The following TEAD1 variants were observed in gnomAD, a reference collection of about 807,000 sequenced individuals.
TEAD1 encodes the protein transcriptional enhancer factor TEF-1.
A neutral mutation model predicts 54.9 loss-of-function variants in TEAD1; 9 were observed. The ratio of observed to expected loss-of-function variants is 0.16; its 90% confidence interval spans 0.10 to 0.29. The LOEUF is 0.29. Among genes scored for constraint, TEAD1 ranks in the 10% least tolerant of loss-of-function variants. TEAD1 has a pLI of 1.00. For synonymous variants in TEAD1, 200 were observed against 187.8 expected, an observed-to-expected ratio of 1.07 and a Z score of -0.53; for missense variants, 387 against 535.9, an observed-to-expected ratio of 0.72 and a Z score of 2.74.
intron 6 of TEAD1, 101 bp from the exon 7 acceptor site, chr11:12,880,904 C>A: frequency 3.0e-6 from 4 of 1,326,968 alleles, no homozygotes; most frequent in East Asian, 4.6e-5. Context: ...GTTGGGTGAT[C>A]GAACCTGCTG....
intron 3 of TEAD1, among the ~76,000 whole-genome samples, chr11:12,810,677 A>T (rs1946281270): frequency 6.6e-6 from 1 of 152,078 alleles, no homozygotes; most frequent in Non-Finnish European, 1.5e-5. Flanking sequence ...CAGCAGTGGG[A>T]TGCTGCCCAG....
At chr11:12,856,988 A>G (rs1341081076) in intron 3 of TEAD1, among the ~76,000 whole-genome samples, 2 of 152,176 alleles carry the variant, frequency 1.3e-5, no homozygotes, top group Non-Finnish European at 2.9e-5. Flanking sequence ...CTGTGCCTCA[A>G]ACATGACCTT....
At chr11:12,833,654 C>T (rs1452979588) in intron 3 of TEAD1, among the ~76,000 whole-genome samples, 2 of 151,726 alleles carry the variant, frequency 1.3e-5, no homozygotes, top group African/African-American at 4.8e-5. Context: ...TCCTTTTTTC[C>T]TACAGGATAA....
rs1312704760 is a variant in TEAD1, at chr11:12,873,661, G to A, written c.331-6047G>A. Among the ~76,000 whole-genome samples the A allele has an allele frequency of 3.9e-5, 6 of 152,222 alleles. No individual in the cohort carries two copies. The South Asian group carries it at 6.2e-4, about 16-fold the overall frequency. On this transcript the variant is annotated intron_variant, in intron 5 of 12. Coordinates refer to ENST00000527636, the MANE Select transcript of TEAD1 (RefSeq NM_021961.6). ...TACCTGACTGAAGTAGTCTCCTTTT[G>A]TATTTACTCCTGCCTTTTCTAATGA...
chr11:12,887,043 A>C (rs1213917497), intron 9 of TEAD1, among the ~76,000 whole-genome samples: 1 of 151,110 alleles, frequency 6.6e-6, no homozygotes, highest in South Asian at 2.1e-4. Flanking sequence ...TTGAACACAA[A>C]TGATTTAATA....
chr11:12,921,574 C>T (rs181690957), intron 10 of TEAD1, among the ~76,000 whole-genome samples: 114 of 150,892 alleles, frequency 7.6e-4, no homozygotes, highest in Admixed American at 1.7e-3. Context: ...CGTTTTGGCA[C>T]AGGCTACATC....
chr11:12,879,551 T>C, intron 5 of TEAD1, 157 bp from the exon 6 acceptor site: 1 of 873,490 alleles, frequency 1.1e-6, no homozygotes, highest in Non-Finnish European at 1.9e-6. Context: ...GAGTGTGGTT[T>C]AGCCTTCTGG....
chr11:12,810,575 G>A (rs949562122), intron 3 of TEAD1, among the ~76,000 whole-genome samples: 4 of 152,118 alleles, frequency 2.6e-5, no homozygotes, highest in East Asian at 1.9e-4. Context: ...CTTCGGAGTC[G>A]TTTTAGACTC....
At chr11:12,916,329 A>G (rs1040324739) in intron 10 of TEAD1, among the ~76,000 whole-genome samples, 1 of 152,132 alleles carries the variant, frequency 6.6e-6, no homozygotes, top group African/African-American at 2.4e-5. Context: ...ACACCCGACA[A>G]ACGTGGGTTG....
chr11:12,905,791 A>C (rs1589977387), intron 10 of TEAD1, among the ~76,000 whole-genome samples: 1 of 76,044 alleles, frequency 1.3e-5, no homozygotes, highest in Admixed American at 1.2e-4. Context: ...TATCAGCCTG[A>C]CTCTTACCTG....
intron 3 of TEAD1, among the ~76,000 whole-genome samples, chr11:12,814,644 A>G (rs1590177347): frequency 6.6e-6 from 1 of 152,112 alleles, no homozygotes. Context: ...GTCTTTGCGC[A>G]TGTCATCTCA....
chr11:12,746,456 G>A (rs1200325879), intron 2 of TEAD1, among the ~76,000 whole-genome samples: 4 of 152,034 alleles, frequency 2.6e-5, no homozygotes, highest in African/African-American at 7.3e-5. Context: ...CTTCATCCCC[G>A]TCTTGTCCTA....
chr11:12,914,132 T>C (rs2134146632), intron 10 of TEAD1, among the ~76,000 whole-genome samples: 1 of 152,322 alleles, frequency 6.6e-6, no homozygotes, highest in Admixed American at 6.5e-5. Flanking sequence ...TAATTGAATT[T>C]TTGAAAAACT....
In TEAD1 at chr11:12,715,548, C is replaced by A. The variant is rs1944040552; in HGVS notation, c.-55+39987C>A. ...GCTTGTTTCTGGAAGCCGCAGCAGGCTGGCTGTCTCTCTGGGGAGCTGCAC... is the reference window on the plus strand; with the variant it reads ...GCTTGTTTCTGGAAGCCGCAGCAGGATGGCTGTCTCTCTGGGGAGCTGCAC... On this transcript the variant is annotated intron_variant, in intron 2 of 12. Transcript: ENST00000527636. Among the ~76,000 whole-genome samples, 3 of 152,096 alleles carry A rather than the reference C, an allele frequency of 2.0e-5. No homozygotes were observed. The South Asian group carries it at 6.2e-4, about 32-fold the overall frequency.
chr11:12,862,608 A>G (rs1470636270), intron 4 of TEAD1, among the ~76,000 whole-genome samples: 1 of 152,214 alleles, frequency 6.6e-6, no homozygotes, highest in Non-Finnish European at 1.5e-5. Context: ...TTCTTTCCCA[A>G]AATGTGCACC....
At chr11:12,920,267 G>A (rs922793911) in intron 10 of TEAD1, among the ~76,000 whole-genome samples, 2 of 152,158 alleles carry the variant, frequency 1.3e-5, no homozygotes, top group African/African-American at 2.4e-5. Flanking sequence ...AGACAGAACC[G>A]TAACAGTTGT....
At chr11:12,910,463 T>A (rs2134140527) in intron 10 of TEAD1, among the ~76,000 whole-genome samples, 1 of 152,318 alleles carries the variant, frequency 6.6e-6, no homozygotes, top group East Asian at 1.9e-4. Flanking sequence ...TAATAATTAG[T>A]ACAGTAAAGG....
chr11:12,831,727 C>T (rs898020725), intron 3 of TEAD1, among the ~76,000 whole-genome samples: 11 of 149,428 alleles, frequency 7.4e-5, no homozygotes, highest in African/African-American at 2.7e-4. Context: ...TGCAACAAGC[C>T]GAGATCATCA....
intron 2 of TEAD1, among the ~76,000 whole-genome samples, chr11:12,748,501 A>T (rs563055356): frequency 1.3e-5 from 2 of 152,328 alleles, no homozygotes; most frequent in African/African-American, 4.8e-5. Context: ...AATGCACTTC[A>T]GTCCTGAGTG....
Sources: gnomAD v4.1 joint callset for allele counts (sites outside exome capture counted in the v4.1 genomes callset) on GRCh38, gnomAD v4.1.1 for gene constraint, MANE v1.5 for transcripts, NCBI Gene and HGNC (gene_info 2026-07-23, HGNC 2026-07-21) for gene names.